KDM4C: variants seen among roughly 807,000 people sequenced by gnomAD.
KDM4C encodes lysine-specific demethylase 4C.
KDM4C carries 81 observed loss-of-function variants against 129.3 expected under a neutral mutation model. The ratio of observed to expected loss-of-function variants is 0.63; its 90% CI spans 0.52 to 0.75. KDM4C has a LOEUF of 0.75. KDM4C is among the 30% of genes least tolerant of loss of function. KDM4C has a pLI of 0.00. For missense variants in KDM4C, 1,457 were observed against 1,304.0 expected, an observed-to-expected ratio of 1.12 and a Z score of -1.81; for synonymous variants, 573 against 456.1, an observed-to-expected ratio of 1.26 and a Z score of -3.26.
chr9:6,875,710 G>C (rs1228746184), intron 5 of KDM4C, among the ~76,000 whole-genome samples: 1 of 152,154 alleles, frequency 6.6e-6, no homozygotes, highest in Admixed American at 6.5e-5. Flanking sequence ...ATGTTGCTGA[G>C]ATCCATGTGT....
intron 8 of KDM4C, among the ~76,000 whole-genome samples, chr9:6,967,107 C>T (rs1404835949): frequency 6.6e-6 from 1 of 152,002 alleles, no homozygotes; most frequent in Non-Finnish European, 1.5e-5. Flanking sequence ...TAAAGCATCT[C>T]CCTGAAAAAT....
chr9:6,953,061 G>T lies in KDM4C; in HGVS notation c.922-27864G>T, dbSNP rs558499768. Among the ~76,000 whole-genome samples, 3 of 152,282 alleles carry T rather than the reference G, an allele frequency of 2.0e-5. No individual in the cohort carries two copies. In the South Asian group the frequency reaches 6.2e-4, roughly 32 times the overall value. ...AATGCATTATCTGAGCCATTTTCAT[G>T]ATTAATTGATACTTTACTATTTTAG... On this transcript the variant is annotated intron_variant, in intron 8 of 21. Transcript: ENST00000381309.
In KDM4C at chr9:7,117,524, AT is replaced by A. The variant is rs111548040; in HGVS notation, c.2611-10540del. On this transcript the variant is annotated intron_variant, in intron 18 of 21. Coordinates refer to ENST00000381309, the MANE Select transcript of KDM4C (RefSeq NM_015061.6). ...TTCCTTCTCATTTTATTCTCTCCAA[AT>A]TGTAATTCCTCCAACTTTGTTATTT... Among the ~76,000 whole-genome samples, 1,190 of 151,934 alleles carry A rather than the reference AT, an allele frequency of 7.8e-3. 17 individuals carry two copies. The highest frequency in any genetic ancestry group is 0.027 in the African/African-American group (1,099 of 41,426).
intron 4 of KDM4C, among the ~76,000 whole-genome samples, chr9:6,817,112 A>G (rs1832243742): frequency 6.6e-6 from 1 of 151,878 alleles, no homozygotes; most frequent in African/African-American, 2.4e-5. Flanking sequence ...TTGAAATAAC[A>G]CGAGGGTTGG....
At chr9:7,131,429 C>G (rs554198826) in intron 19 of KDM4C, among the ~76,000 whole-genome samples, 1 of 152,066 alleles carries the variant, frequency 6.6e-6, no homozygotes. Context: ...ATAGGAGATA[C>G]ACTTGTAGAA....
At chr9:7,093,241 G>A (rs545870484) in intron 17 of KDM4C, among the ~76,000 whole-genome samples, 6 of 152,280 alleles carry the variant, frequency 3.9e-5, no homozygotes, top group African/African-American at 1.4e-4. Context: ...ACAGGAAAAT[G>A]AAGGGTGGAG....
At chr9:7,049,777 A>G (rs941641783) in intron 17 of KDM4C, among the ~76,000 whole-genome samples, 2 of 152,124 alleles carry the variant, frequency 1.3e-5, no homozygotes, top group Non-Finnish European at 2.9e-5. Context: ...CATTGAAAAT[A>G]TAGGCCTTTA....
intron 4 of KDM4C, among the ~76,000 whole-genome samples, chr9:6,845,101 T>C (rs17509513): frequency 0.075 from 11,454 of 152,308 alleles, 610 homozygotes; most frequent in Non-Finnish European, 0.11. Flanking sequence ...TCTCAAGGTT[T>C]CTAACATGGC....
At position 6,898,601 on chromosome 9, in the gene KDM4C, C is replaced by T. The variant is rs569022773; in HGVS notation, c.921+5369C>T. 2.0e-5 allele frequency among the ~76,000 whole-genome samples: 3 copies of T among 152,254 alleles called. No homozygotes were observed. The South Asian group carries it at 6.2e-4, about 32-fold the overall frequency. On this transcript the variant is annotated intron_variant, in intron 8 of 21. Transcript: ENST00000381309. ...TATCTAATTTTAAGACATTTTGATA[C>T]TTGAATCCTCAAATGTTTGAACAAG...
At chr9:7,162,430 G>C (rs191886531) in intron 19 of KDM4C, among the ~76,000 whole-genome samples, 11 of 152,204 alleles carry the variant, frequency 7.2e-5, no homozygotes, top group African/African-American at 2.7e-4. Context: ...TTTCCTGTGA[G>C]TGAAAGGTGA....
At chr9:6,783,173 C>T (rs1824734468) in intron 1 of KDM4C, among the ~76,000 whole-genome samples, 1 of 152,140 alleles carries the variant, frequency 6.6e-6, no homozygotes, top group African/African-American at 2.4e-5. Flanking sequence ...CTCTCTGCTT[C>T]CCTTTATTGC....
chr9:6,776,539 C>A (rs1823083157), intron 1 of KDM4C, among the ~76,000 whole-genome samples: 1 of 151,196 alleles, frequency 6.6e-6, no homozygotes, highest in South Asian at 2.1e-4. Flanking sequence ...TGTGCCCAGC[C>A]TCAACACATC....
intron 17 of KDM4C, among the ~76,000 whole-genome samples, chr9:7,062,101 G>A (rs867743620): frequency 6.6e-6 from 1 of 152,048 alleles, no homozygotes; most frequent in African/African-American, 2.4e-5. Flanking sequence ...CCAAGTAGCT[G>A]GGACTACAGG....
chr9:7,119,561 A>T (rs1242217757), intron 18 of KDM4C, among the ~76,000 whole-genome samples: 3 of 152,060 alleles, frequency 2.0e-5, no homozygotes, highest in African/African-American at 4.8e-5. Context: ...CTACCTTTAG[A>T]TATTAGTATT....
At position 6,732,238 on chromosome 9, in the gene KDM4C, G is replaced by A. The variant is rs780218826; in HGVS notation, c.49+11241G>A. Among the ~76,000 whole-genome samples the A allele has an allele frequency of 8.9e-4, 134 of 151,384 alleles. 1 individual carries two copies. The highest frequency in any genetic ancestry group is 3.4e-3 in the Middle Eastern group (1 of 292). The stretch of plus-strand genomic sequence containing the variant: ...AAATTAGCCGGGCGTGGTGGTGGGC[G>A]CCTGTAGTCCCAGCTACTCGGGAGG... On this transcript the variant is annotated intron_variant, in intron 1 of 17. Coordinates refer to the KDM4C transcript ENST00000536108.
At chr9:6,929,068 A>G (rs1460042070) in intron 8 of KDM4C, among the ~76,000 whole-genome samples, 3 of 152,158 alleles carry the variant, frequency 2.0e-5, no homozygotes, top group African/African-American at 7.2e-5. Flanking sequence ...CAAACACTAC[A>G]CTTCAAGGCT....
At chr9:6,958,908 G>A (rs747347663) in intron 8 of KDM4C, among the ~76,000 whole-genome samples, 3 of 151,976 alleles carry the variant, frequency 2.0e-5, no homozygotes, top group African/African-American at 4.8e-5. Context: ...TTGGCCTCCC[G>A]AAGTGTTGGG....
intron 19 of KDM4C, among the ~76,000 whole-genome samples, chr9:7,154,555 G>C (rs920055296): frequency 1.3e-5 from 2 of 152,178 alleles, no homozygotes; most frequent in Non-Finnish European, 2.9e-5. Flanking sequence ...AGAACTCAGT[G>C]ACTTCAGAAT....
At chr9:6,946,693 CTG>C (rs1827034877) in intron 8 of KDM4C, among the ~76,000 whole-genome samples, 2 of 152,056 alleles carry the variant, frequency 1.3e-5, no homozygotes, top group South Asian at 4.1e-4. Flanking sequence ...TGAATATACT[CTG>C]AGTTTATAAT....
Sources: gnomAD v4.1 joint callset for allele counts (sites outside exome capture counted in the v4.1 genomes callset) on GRCh38, gnomAD v4.1.1 for gene constraint, MANE v1.5 for transcripts, NCBI Gene and HGNC (gene_info 2026-07-23, HGNC 2026-07-21) for gene names.